The following MAPK8 variants were observed in gnomAD, a reference collection of about 807,000 sequenced individuals.
MAPK8 encodes mitogen-activated protein kinase 8, also known as JUN N-terminal kinase.
In MAPK8, 13 loss-of-function variants were observed where a neutral mutation model predicts 52.9. The observed-to-expected ratio is 0.25, with a 90% CI of 0.16 to 0.39. The LOEUF is 0.39. Ranked by LOEUF, MAPK8 falls within the 10% of genes least tolerant of loss-of-function variation. The pLI, the probability that MAPK8 is intolerant of heterozygous loss-of-function variation, is 1.00. For missense variants in MAPK8, 300 were observed against 519.2 expected, an observed-to-expected ratio of 0.58 and a Z score of 4.10; for synonymous variants, 191 against 169.8, an observed-to-expected ratio of 1.12 and a Z score of -0.97.
At chr10:48,347,435 A>T (rs1392783242) in intron 1 of MAPK8, among the ~76,000 whole-genome samples, 2 of 152,180 alleles carry the variant, frequency 1.3e-5, no homozygotes, top group Non-Finnish European at 2.9e-5. Flanking sequence ...TTTGGGATAC[A>T]TGTGCAGAAT....
At chr10:48,353,575 G>T (rs1048664483) in intron 1 of MAPK8, among the ~76,000 whole-genome samples, 2 of 152,106 alleles carry the variant, frequency 1.3e-5, no homozygotes, top group African/African-American at 4.8e-5. Context: ...AAAATTAACT[G>T]CAAGTGGATC....
At chr10:48,341,892 T>C (rs1039827409) in intron 1 of MAPK8, among the ~76,000 whole-genome samples, 1 of 152,114 alleles carries the variant, frequency 6.6e-6, no homozygotes, top group Non-Finnish European at 1.5e-5. Context: ...AGGAAGTAAG[T>C]TGAGTAGAAC....
At position 48,366,279 on chromosome 10, in the gene MAPK8, C is replaced by G. The variant is rs186999670; in HGVS notation, c.-49-35333C>G. Among the ~76,000 whole-genome samples, 1,056 of 152,044 alleles carry G rather than the reference C, an allele frequency of 6.9e-3. 16 individuals carry two copies. The highest frequency in any genetic ancestry group is 0.023 in the African/African-American group (953 of 41,500). Reference sequence around the variant, plus strand: ...CTAAACAAAAAAAACCCCTAAGAACCTTTAAACTTAACAAAGTTTATTTGA... The same window carrying G: ...CTAAACAAAAAAAACCCCTAAGAACGTTTAAACTTAACAAAGTTTATTTGA... On this transcript the variant is annotated intron_variant, in intron 1 of 11. Coordinates refer to ENST00000374189, the MANE Select transcript of MAPK8 (RefSeq NM_001323329.2).
intron 1 of MAPK8, among the ~76,000 whole-genome samples, chr10:48,348,321 C>T (rs556963824): frequency 6.6e-6 from 1 of 152,116 alleles, no homozygotes; most frequent in Admixed American, 6.5e-5. Context: ...CAAAAATTTT[C>T]TCCCGTTCTG....
At chr10:48,393,918 A>G (rs2041757162) in intron 1 of MAPK8, among the ~76,000 whole-genome samples, 1 of 151,998 alleles carries the variant, frequency 6.6e-6, no homozygotes, top group Admixed American at 6.6e-5. Context: ...GATCACTAAT[A>G]GTGATAAAAT....
intron 1 of MAPK8, among the ~76,000 whole-genome samples, chr10:48,359,946 G>A (rs2698765): frequency 0.036 from 5,552 of 152,270 alleles, 283 homozygotes; most frequent in African/African-American, 0.11. Flanking sequence ...ATCTTTATAA[G>A]GGGAGTGAGA....
At chr10:48,326,345 C>A (rs1235205572) in intron 1 of MAPK8, among the ~76,000 whole-genome samples, 3 of 152,216 alleles carry the variant, frequency 2.0e-5, no homozygotes, top group Admixed American at 1.3e-4. Context: ...ATTGGGAACC[C>A]CTTTAGTTAG....
chr10:48,410,196 CTT>C (rs760542522), intron 5 of MAPK8, 28 bp downstream of exon 5: 8 of 1,455,062 alleles, frequency 5.5e-6, no homozygotes, highest in Admixed American at 2.6e-5. Flanking sequence ...TCGTCATACT[CTT>C]TGTTTTCTCA....
At chr10:48,400,767 CT>C (rs2042119302) in intron 1 of MAPK8, among the ~76,000 whole-genome samples, 1 of 152,140 alleles carries the variant, frequency 6.6e-6, no homozygotes, top group African/African-American at 2.4e-5. Context: ...GTTAAAGCTG[CT>C]TTGCATACAT....
At chr10:48,427,350 C>T in intron 10 of MAPK8, 1 of 456,714 alleles carries the variant, frequency 2.2e-6, no homozygotes, top group East Asian at 4.1e-5. Context: ...CAGACACAGA[C>T]ACATTAGTGC....
At chr10:48,432,125 G>A (rs2044345409) in intron 11 of MAPK8, among the ~76,000 whole-genome samples, 2 of 152,182 alleles carry the variant, frequency 1.3e-5, no homozygotes, top group Non-Finnish European at 2.9e-5. Flanking sequence ...TAGGACAGTT[G>A]TATGAAGGAG....
intron 1 of MAPK8, among the ~76,000 whole-genome samples, chr10:48,380,241 CA>C (rs967609257): frequency 6.6e-6 from 1 of 151,214 alleles, no homozygotes; most frequent in Admixed American, 6.6e-5. Context: ...GACTCCGTCT[CA>C]AAAAAAAGAC....
intron 8 of MAPK8, 127 bp downstream of exon 8, chr10:48,426,197 GA>G (rs1287468323): frequency 1.2e-5 from 12 of 986,236 alleles, no homozygotes; most frequent in South Asian, 2.4e-5. Context: ...GGATGGTGGG[GA>G]AAAAAATGAG....
intron 1 of MAPK8, among the ~76,000 whole-genome samples, chr10:48,357,000 ATTG>A (rs1410660285): frequency 6.6e-6 from 1 of 151,462 alleles, no homozygotes; most frequent in Non-Finnish European, 1.5e-5. Flanking sequence ...CAAAAATCGG[ATTG>A]TTTTTTGCAC....
chr10:48,393,782 AAAAG>A (rs1236371820), intron 1 of MAPK8, among the ~76,000 whole-genome samples: 21 of 152,220 alleles, frequency 1.4e-4, no homozygotes, highest in Admixed American at 9.8e-4. Flanking sequence ...TTAAGAAACT[AAAAG>A]AAAGAATAGC....
At chr10:48,395,890 C>T (rs2041863181) in intron 1 of MAPK8, among the ~76,000 whole-genome samples, 1 of 152,062 alleles carries the variant, frequency 6.6e-6, no homozygotes, top group African/African-American at 2.4e-5. Flanking sequence ...AGAAATGATG[C>T]TTTTTGCAAC....
At chr10:48,359,102 G>GC (rs1847286894) in intron 1 of MAPK8, among the ~76,000 whole-genome samples, 2 of 151,960 alleles carry the variant, frequency 1.3e-5, no homozygotes, top group Admixed American at 6.6e-5. Context: ...CTTCTGTTTT[G>GC]CTTCATTAAT....
intron 1 of MAPK8, among the ~76,000 whole-genome samples, chr10:48,356,977 T>C (rs770637710): frequency 7.9e-5 from 11 of 139,206 alleles, no homozygotes; most frequent in Non-Finnish European, 1.2e-4. Flanking sequence ...AATACTAATA[T>C]AGGTTTTAAA....
In MAPK8 at chr10:48,409,878, G is replaced by A; in HGVS notation, c.253-1G>A. ...TTTCTGTCTCTCGACTTTTATTATA[G>A]ATAATTGGCCTTTTGAATGTTTTCA... On this transcript the variant is annotated splice_acceptor_variant, in intron 3 of 11. Coordinates refer to ENST00000374189, the MANE Select transcript of MAPK8 (RefSeq NM_001323329.2). LOFTEE classifies it high-confidence loss of function. 1.3e-6 allele frequency: 2 copies of A among 1,599,576 alleles called. No homozygotes were observed. Among genetic ancestry groups the A allele is most frequent in the Non-Finnish European group, 1.7e-6 (2 of 1,168,962 alleles).
Sources: gnomAD v4.1 joint callset for allele counts (sites outside exome capture counted in the v4.1 genomes callset) on GRCh38, gnomAD v4.1.1 for gene constraint, MANE v1.5 for transcripts, NCBI Gene and HGNC (gene_info 2026-07-23, HGNC 2026-07-21) for gene names.